The following MAGI2 variants were observed in gnomAD, a reference collection of about 807,000 sequenced individuals.
MAGI2 encodes membrane associated guanylate kinase, WW and PDZ domain containing 2.
In MAGI2, 35 loss-of-function variants were observed where a neutral mutation model predicts 133.3. That is an observed-to-expected ratio of 0.26 (90% confidence interval 0.20 to 0.35). The LOEUF (loss-of-function observed/expected upper bound fraction) is 0.35, where lower values mean the gene tolerates loss of function less well. MAGI2 is among the 10% of genes least tolerant of loss of function. The pLI is 1.00. For missense variants in MAGI2, 1,636 were observed against 1,863.4 expected, an observed-to-expected ratio of 0.88 and a Z score of 2.25; for synonymous variants, 729 against 710.6, an observed-to-expected ratio of 1.03 and a Z score of -0.41.
intron 1 of MAGI2, among the ~76,000 whole-genome samples, chr7:79,133,201 T>C (rs1012060478): frequency 1.3e-5 from 2 of 152,220 alleles, no homozygotes; most frequent in African/African-American, 4.8e-5. Flanking sequence ...GCTTTTGGTG[T>C]CTTAGTCATG....
At chr7:79,005,085 GAA>G (rs965503054) in intron 2 of MAGI2, among the ~76,000 whole-genome samples, 117 of 85,084 alleles carry the variant, frequency 1.4e-3, no homozygotes, top group African/African-American at 4.9e-3. Flanking sequence ...TCCATCTCAA[GAA>G]AAAAAAAAAA....
At chr7:79,008,233 T>C (rs938854170) in intron 1 of MAGI2, among the ~76,000 whole-genome samples, 2 of 152,148 alleles carry the variant, frequency 1.3e-5, no homozygotes, top group African/African-American at 4.8e-5. Context: ...CATAAAATTA[T>C]ATTCCTTCAA....
At chr7:79,134,178 T>G (rs868157928) in intron 1 of MAGI2, among the ~76,000 whole-genome samples, 1 of 152,272 alleles carries the variant, frequency 6.6e-6, no homozygotes, top group East Asian at 1.9e-4. Context: ...TTTTTAGGGG[T>G]CCTCTAGGTA....
At chr7:78,533,825 C>G (rs2150634298) in intron 3 of MAGI2, among the ~76,000 whole-genome samples, 1 of 152,152 alleles carries the variant, frequency 6.6e-6, no homozygotes, top group South Asian at 2.1e-4. Context: ...GTAATGATAT[C>G]CATAACTAAT....
intron 3 of MAGI2, among the ~76,000 whole-genome samples, chr7:78,586,904 T>C (rs1803475630): frequency 1.3e-5 from 2 of 152,216 alleles, no homozygotes; most frequent in Non-Finnish European, 2.9e-5. Flanking sequence ...TTTTTCAGAA[T>C]TTCCTTACTT....
intron 9 of MAGI2, among the ~76,000 whole-genome samples, chr7:78,325,231 TC>T (rs1788463800): frequency 6.6e-6 from 1 of 152,164 alleles, no homozygotes; most frequent in Admixed American, 6.5e-5. Flanking sequence ...TATCATTACT[TC>T]CTGAAAAGAA....
intron 1 of MAGI2, among the ~76,000 whole-genome samples, chr7:79,371,428 T>C (rs1183193480): frequency 6.6e-6 from 1 of 152,122 alleles, no homozygotes; most frequent in African/African-American, 2.4e-5. Flanking sequence ...CACATGACAT[T>C]CCTGTTAACT....
chr7:79,101,291 A>G (rs1314536644), intron 1 of MAGI2, among the ~76,000 whole-genome samples: 1 of 152,156 alleles, frequency 6.6e-6, no homozygotes, highest in Admixed American at 6.5e-5. Context: ...TCAGTTACTT[A>G]CTGAACATCA....
chr7:78,720,615 G>C (rs1283072576), intron 2 of MAGI2, among the ~76,000 whole-genome samples: 1 of 151,814 alleles, frequency 6.6e-6, no homozygotes, highest in Non-Finnish European at 1.5e-5. Context: ...TTGTGGTACA[G>C]GACACCACCA....
intron 2 of MAGI2, among the ~76,000 whole-genome samples, chr7:78,684,211 CAT>C (rs950399305): frequency 1.3e-5 from 2 of 152,094 alleles, no homozygotes; most frequent in African/African-American, 2.4e-5. Flanking sequence ...ATTCTCCAAA[CAT>C]ATTTCATCTT....
intron 2 of MAGI2, among the ~76,000 whole-genome samples, chr7:78,765,595 C>T (rs1824942544): frequency 6.6e-6 from 1 of 152,068 alleles, no homozygotes; most frequent in East Asian, 1.9e-4. Flanking sequence ...GATCTGCCCA[C>T]CTCGGCCTCT....
intron 3 of MAGI2, among the ~76,000 whole-genome samples, chr7:78,620,799 C>T (rs1158319394): frequency 6.6e-6 from 1 of 151,928 alleles, no homozygotes; most frequent in Non-Finnish European, 1.5e-5. Flanking sequence ...GGATCAATGA[C>T]CTTTTCAATA....
intron 2 of MAGI2, among the ~76,000 whole-genome samples, chr7:78,732,193 C>T (rs1788883807): frequency 6.6e-6 from 1 of 152,080 alleles, no homozygotes; most frequent in Admixed American, 6.6e-5. Context: ...GTAGGTGGGT[C>T]AATGATAAAA....
chr7:78,591,706 C>T (rs374816120), intron 3 of MAGI2, among the ~76,000 whole-genome samples: 1 of 152,144 alleles, frequency 6.6e-6, no homozygotes, highest in Non-Finnish European at 1.5e-5. Context: ...ACCCACTCTC[C>T]CTAAAATGAG....
chr7:79,378,519 G>T (rs1376544501), intron 1 of MAGI2, among the ~76,000 whole-genome samples: 1 of 151,398 alleles, frequency 6.6e-6, no homozygotes, highest in Non-Finnish European at 1.5e-5. Flanking sequence ...TCATTGTCTG[G>T]CAGGGTTTTT....
chr7:78,813,005 G>A (rs998865468), intron 2 of MAGI2, among the ~76,000 whole-genome samples: 3 of 152,112 alleles, frequency 2.0e-5, no homozygotes, highest in Admixed American at 6.5e-5. Context: ...CAGTAGGCAC[G>A]TCCACCCTGT....
intron 20 of MAGI2, among the ~76,000 whole-genome samples, chr7:78,110,565 T>G (rs1165801079): frequency 1.3e-5 from 2 of 152,208 alleles, no homozygotes; most frequent in Non-Finnish European, 2.9e-5. Flanking sequence ...CCTTGGGAAT[T>G]GTGCTGTTTT....
intron 5 of MAGI2, among the ~76,000 whole-genome samples, chr7:78,495,441 A>G (rs1296900364): frequency 1.3e-5 from 2 of 152,232 alleles, no homozygotes; most frequent in African/African-American, 2.4e-5. Flanking sequence ...ATTTTACACC[A>G]TAGTCAATAA....
intron 6 of MAGI2, among the ~76,000 whole-genome samples, chr7:78,389,642 T>C (rs781281072): frequency 6.6e-6 from 1 of 152,228 alleles, no homozygotes; most frequent in Non-Finnish European, 1.5e-5. Flanking sequence ...TGTGATTTTA[T>C]GCTCTTTAAT....
Sources: allele counts gnomAD v4.1 joint callset (sites outside exome capture counted in the v4.1 genomes callset), GRCh38; gene constraint gnomAD v4.1.1; transcripts MANE v1.5; gene names NCBI Gene and HGNC (gene_info 2026-07-23, HGNC 2026-07-21).